The following CELSR3 variants were observed in gnomAD, a reference collection of about 807,000 sequenced individuals.
CELSR3 encodes EGF-like protein 1.
In CELSR3, 73 loss-of-function variants were observed where a neutral mutation model predicts 270.0. The observed-to-expected ratio is 0.27, with a 90% CI of 0.22 to 0.33. The LOEUF (loss-of-function observed/expected upper bound fraction) is 0.33, where lower values mean the gene tolerates loss of function less well. CELSR3 is among the 10% of genes least tolerant of loss of function. The probability of loss-of-function intolerance (pLI) is 1.00; values close to 1 mark genes in which losing one functional copy is unlikely to be tolerated. For missense variants in CELSR3, 3,614 were observed against 4,533.8 expected, an observed-to-expected ratio of 0.80 and a Z score of 5.83; for synonymous variants, 1,780 against 1,905.4, an observed-to-expected ratio of 0.93 and a Z score of 1.71.
At position 48,654,527 on chromosome 3, in the gene CELSR3, A is replaced by AG; in HGVS notation, c.4989-76dup. On this transcript the variant is annotated intron_variant, in intron 6 of 34. Coordinates refer to ENST00000164024, the MANE Select transcript of CELSR3 (RefSeq NM_001407.3). The surrounding 1 kb of genome is among the most constrained non-coding windows in gnomAD (Gnocchi z 5.4). Reference sequence around the variant, plus strand: ...TTGCTCCTGGGGGGCCACAGGAAGCAGGGGGGTAGGACCCAGAGGGTAGGG... The same window carrying AG: ...TTGCTCCTGGGGGGCCACAGGAAGCAGGGGGGGTAGGACCCAGAGGGTAGGG... The AG allele has an allele frequency of 7.7e-7, 1 of 1,299,406 alleles. No homozygotes were observed. The highest frequency in any genetic ancestry group is 1.1e-6 in the Non-Finnish European group (1 of 942,822). The allele number at this position is 1,299,406 out of a possible 1,614,324, so 80.5% of individuals were successfully genotyped here. A position where few individuals can be genotyped will look rare whatever the true frequency, so the allele number is the denominator to read the frequency against.
In CELSR3 at chr3:48,654,381, T is replaced by C. The variant is rs1198077008; in HGVS notation, c.5060A>G (p.His1687Arg). ...PNLPENFPVS[H>R]KDFIGCMRDL... Reference sequence around the variant, plus strand: ...CCGCATACAGCCGATGAAGTCCTTATGGGATACGGGGAAGTTCTCGGGGAG... The same window carrying C: ...CCGCATACAGCCGATGAAGTCCTTACGGGATACGGGGAAGTTCTCGGGGAG... Residue 1687 changes from histidine to arginine, a missense_variant, in exon 7 of 35, where the codon CAT (histidine) becomes CGT (arginine). Transcript: ENST00000164024. This position sits in a 1 kb window ranked among gnomAD's most constrained non-coding sequence, Gnocchi z 5.4. The C allele has an allele frequency of 1.2e-6, 2 of 1,612,838 alleles. No individual in the cohort carries two copies. The highest frequency in any genetic ancestry group is 2.2e-5 in the East Asian group (1 of 44,824).
chr3:48,654,232 T>C lies in CELSR3; in HGVS notation c.5152+57A>G. 2 of 1,604,460 alleles carry C rather than the reference T, an allele frequency of 1.2e-6. No homozygotes were observed. The highest frequency in any genetic ancestry group is 2.2e-5 in the South Asian group (2 of 90,208). ...GAAGTCAGGTATGGAGTCCTCCACTTCCTCCCTATGATGGGGACAGGGCCA... is the reference window on the plus strand; with the variant it reads ...GAAGTCAGGTATGGAGTCCTCCACTCCCTCCCTATGATGGGGACAGGGCCA... On this transcript the variant is annotated intron_variant, in intron 7 of 34. Transcript: ENST00000164024. This position sits in a 1 kb window ranked among gnomAD's most constrained non-coding sequence, Gnocchi z 5.4.
chr3:48,640,173 A>G lies in CELSR3; in HGVS notation c.9412T>C (p.Phe3138Leu). ...AAGTCGAGCGCATCCCGTGACCCGA[A>G]GCGGCCAGCCATGGCGCCAGGGTAG... ...RDYPGAMAGR[F>L]GSRDALDLGA... is the part of the protein sequence containing the mutation. Residue 3138 changes from phenylalanine to leucine, a missense_variant, in exon 34 of 35, where the codon TTC becomes CTC. Around this residue, in one of 7 missense-constraint regions of CELSR3, gnomAD observed 1,240 missense variants for 1,351.7 expected, o/e 0.92. Transcript: ENST00000164024. The surrounding 1 kb of genome is among the most constrained non-coding windows in gnomAD (Gnocchi z 7.5). 2 of 1,612,682 alleles carry G rather than the reference A, an allele frequency of 1.2e-6. No individual in the cohort carries two copies. Among genetic ancestry groups the G allele is most frequent in the Non-Finnish European group, 1.7e-6 (2 of 1,179,946 alleles).
In CELSR3 at chr3:48,651,862, C is replaced by A; in HGVS notation, c.5923+15G>T. ...CTGCCCAGGTCACCCTTCCCCCAAC[C>A]CTCTCAAGGCTCACCTGGCTGGCAG... On this transcript the variant is annotated intron_variant, in intron 12 of 34. Coordinates refer to ENST00000164024, the MANE Select transcript of CELSR3 (RefSeq NM_001407.3). This position sits in a 1 kb window ranked among gnomAD's most constrained non-coding sequence, Gnocchi z 7.4. The A allele has an allele frequency of 6.9e-6, 11 of 1,601,238 alleles. No individual in the cohort carries two copies. The highest frequency in any genetic ancestry group is 2.2e-5 in the East Asian group (1 of 44,794).
chr3:48,655,698 C>T lies in CELSR3; in HGVS notation c.4741+38G>A, dbSNP rs1575544400. ...GACTTGGGCCCTGCGTCCTCCAGCA[C>T]ACACGCACCCTTTCGCCGTCACATC... is the stretch of plus-strand genomic sequence containing the variant. On this transcript the variant is annotated intron_variant, in intron 4 of 34. Transcript: ENST00000164024. This position sits in a 1 kb window ranked among gnomAD's most constrained non-coding sequence, Gnocchi z 5.8. The T allele has an allele frequency of 6.4e-7, 1 of 1,555,400 alleles. No homozygotes were observed. The highest frequency in any genetic ancestry group is 8.9e-7 in the Non-Finnish European group (1 of 1,126,950).
At position 48,647,979 on chromosome 3, in the gene CELSR3, T is replaced by G. The variant is rs967849094; in HGVS notation, c.6991A>C (p.Met2331Leu). 2 of 1,612,072 alleles carry G rather than the reference T, an allele frequency of 1.2e-6. No individual in the cohort carries two copies. Among genetic ancestry groups the G allele is most frequent in the Non-Finnish European group, 8.5e-7 (1 of 1,179,660 alleles). The change falls in exon 20 of 35, where the codon ATG becomes CTG. Residue 2331 changes from methionine (M) to leucine (L), a missense_variant. By Grantham distance (15) the Met-to-Leu change is conservative (BLOSUM62 2). Coordinates refer to ENST00000164024, the MANE Select transcript of CELSR3 (RefSeq NM_001407.3). ...TPNIMLSIDR[M>L]EHPSSPRGAR... ...CCCCGGGGAGAACTGGGGTGCTCCA[T>G]GCGGTCAATGCTGAGCACTACCCAG...
In CELSR3 at chr3:48,655,653, C is replaced by A. The variant is rs1372780489; in HGVS notation, c.4741+83G>T. ...GGCGTGGAGTGTGTGCTCAGGTGCACAGTGAAGCAAACCTGAGGGGACTTG... is the reference window on the plus strand; with the variant it reads ...GGCGTGGAGTGTGTGCTCAGGTGCAAAGTGAAGCAAACCTGAGGGGACTTG... On this transcript the variant is annotated intron_variant, in intron 4 of 34. Coordinates refer to ENST00000164024, the MANE Select transcript of CELSR3 (RefSeq NM_001407.3). The surrounding 1 kb of genome is among the most constrained non-coding windows in gnomAD (Gnocchi z 5.8). The A allele has an allele frequency of 2.4e-6, 3 of 1,224,760 alleles. No individual in the cohort carries two copies. The highest frequency in any genetic ancestry group is 3.6e-6 in the Non-Finnish European group (3 of 828,594). The allele number at this position is 1,224,760 out of a possible 1,614,324, so 75.9% of individuals were successfully genotyped here.
Position 48,652,522 on chromosome 3 carries a change from C to T in CELSR3, c.5666G>A (p.Gly1889Asp). 6.2e-7 allele frequency: 1 copy of T among 1,612,954 alleles called. No homozygotes were observed. The highest frequency in any genetic ancestry group is 8.5e-7 in the Non-Finnish European group (1 of 1,179,626). The change falls in exon 11 of 35, where the codon GGC (glycine) becomes GAC (aspartate). Residue 1889 changes from glycine to aspartate, a missense_variant. Around this residue, in one of 7 missense-constraint regions of CELSR3, gnomAD observed 1,331 missense variants for 1,933.7 expected, o/e 0.69. Transcript: ENST00000164024. The surrounding 1 kb of genome is among the most constrained non-coding windows in gnomAD (Gnocchi z 4.3). ...DTMAVGSELQ[G>D]LKVKQLHVGG... is the part of the protein sequence containing the mutation. Reference sequence around the variant, plus strand: ...CACGTGGAGCTGCTTTACCTTCAGGCCCTGCAGCTCACTCCCCACCGCCAT... The same window carrying T: ...CACGTGGAGCTGCTTTACCTTCAGGTCCTGCAGCTCACTCCCCACCGCCAT...
intron 16 of CELSR3, 88 bp from the exon 17 acceptor site, chr3:48,649,303 A>G (rs960940353): frequency 4.6e-6 from 5 of 1,084,498 alleles, no homozygotes; most frequent in South Asian, 1.4e-5. Flanking sequence ...TGCTGGGGGA[A>G]TCCCTGAGGC....
rs924694808 is a variant in CELSR3, at chr3:48,644,930, G to A, written c.7973-102C>T. On this transcript the variant is annotated intron_variant, in intron 25 of 34. Coordinates refer to ENST00000164024, the MANE Select transcript of CELSR3 (RefSeq NM_001407.3). This position sits in a 1 kb window ranked among gnomAD's most constrained non-coding sequence, Gnocchi z 4.8. ...GGTGAGGGCAGAGCAGCAACCCCAT[G>A]AATAGATGGCTTGGGGTTTGAGGTT... 17 of 1,521,240 alleles carry A rather than the reference G, an allele frequency of 1.1e-5. No individual in the cohort carries two copies. The South Asian group carries it at 1.9e-4, about 17-fold the overall frequency. The allele number at this position is 1,521,240 out of a possible 1,614,324, so 94.2% of individuals were successfully genotyped here. A position where few individuals can be genotyped will look rare whatever the true frequency, so the allele number is the denominator to read the frequency against.
At position 48,654,253 on chromosome 3, in the gene CELSR3, G is replaced by T. The variant is rs1426914919; in HGVS notation, c.5152+36C>A. Reference sequence around the variant, plus strand: ...CACTTCCTCCCTATGATGGGGACAGGGCCATGGGCTAGGCTGGTGGAAGCT... The same window carrying T: ...CACTTCCTCCCTATGATGGGGACAGTGCCATGGGCTAGGCTGGTGGAAGCT... On this transcript the variant is annotated intron_variant, in intron 7 of 34. Transcript: ENST00000164024. The surrounding 1 kb of genome is among the most constrained non-coding windows in gnomAD (Gnocchi z 5.4). 3.7e-6 allele frequency: 6 copies of T among 1,612,708 alleles called. No individual in the cohort carries two copies. The Admixed American group carries it at 8.3e-5, about 22-fold the overall frequency.
At position 48,642,130 on chromosome 3, in the gene CELSR3, G is replaced by T; in HGVS notation, c.8666-121C>A. On this transcript the variant is annotated intron_variant, in intron 31 of 34. Transcript: ENST00000164024. This position sits in a 1 kb window ranked among gnomAD's most constrained non-coding sequence, Gnocchi z 6.1. ...GTTAGGGTTGGGGACAGGAACCGGGGCTTGAAGTGGAGGTAGCAGCAGAAG... is the reference window on the plus strand; with the variant it reads ...GTTAGGGTTGGGGACAGGAACCGGGTCTTGAAGTGGAGGTAGCAGCAGAAG... 2.0e-6 allele frequency: 2 copies of T among 997,150 alleles called. No individual in the cohort carries two copies. The highest frequency in any genetic ancestry group is 2.9e-6 in the Non-Finnish European group (2 of 695,034). 61.8% of individuals were successfully genotyped at this position (997,150 alleles called of 1,614,324 possible). A position where few individuals can be genotyped will look rare whatever the true frequency, so the allele number is the denominator to read the frequency against.
Position 48,641,546 on chromosome 3 carries a change from C to T in CELSR3, c.8825-22G>A, listed in dbSNP as rs1358314957. Reference sequence around the variant, plus strand: ...ACATCTGTGGAGCCAGGTCAGGTTACAGGAGCTTCTGGGTTGATCCCAGTG... The same window carrying T: ...ACATCTGTGGAGCCAGGTCAGGTTATAGGAGCTTCTGGGTTGATCCCAGTG... On this transcript the variant is annotated intron_variant, in intron 32 of 34. Coordinates refer to ENST00000164024, the MANE Select transcript of CELSR3 (RefSeq NM_001407.3). The surrounding 1 kb of genome is among the most constrained non-coding windows in gnomAD (Gnocchi z 4.8). 3 of 1,585,778 alleles carry T rather than the reference C, an allele frequency of 1.9e-6. No homozygotes were observed. The highest frequency in any genetic ancestry group is 2.2e-5 in the South Asian group (2 of 90,406).
At position 48,656,199 on chromosome 3, in the gene CELSR3, G is replaced by C; in HGVS notation, c.4566C>G (p.Pro1522=). ...RCEVAARSFP[P]SSFVMFRGLR... is the part of the protein sequence containing the mutation. ...GGCCGCGAAACATGACGAACGAACT[G>C]GGCGGGAAGGAGCGCGCAGCCACCT... The change falls in exon 3 of 35, where the codon CCC becomes CCG. Residue 1522 remains proline, a synonymous_variant. Transcript: ENST00000164024. 6.5e-7 allele frequency: 1 copy of C among 1,537,754 alleles called. No homozygotes were observed. Among genetic ancestry groups the C allele is most frequent in the Non-Finnish European group, 8.7e-7 (1 of 1,147,918 alleles).
Position 48,650,433 on chromosome 3 carries a change from A to AGG in CELSR3, c.6472+45_6472+46dup. ...GACATGGCTCTAGCAGTCAGAGTAC[A>AGG]GGCCCACCCCCACCCTCAGTGATGT... On this transcript the variant is annotated intron_variant, in intron 16 of 34. Coordinates refer to ENST00000164024, the MANE Select transcript of CELSR3 (RefSeq NM_001407.3). This position sits in a 1 kb window ranked among gnomAD's most constrained non-coding sequence, Gnocchi z 5.1. The AGG allele has an allele frequency of 3.2e-6, 3 of 927,818 alleles. No homozygotes were observed. The highest frequency in any genetic ancestry group is 3.2e-5 in the East Asian group (1 of 31,406). 57.5% of individuals were successfully genotyped at this position (927,818 alleles called of 1,614,324 possible).
Position 48,655,799 on chromosome 3 carries a change from C to T in CELSR3, c.4678G>A (p.Glu1560Lys). The T allele has an allele frequency of 2.6e-6, 4 of 1,525,434 alleles. No homozygotes were observed. The highest frequency in any genetic ancestry group is 3.6e-6 in the Non-Finnish European group (4 of 1,124,774). 94.5% of individuals were successfully genotyped at this position (1,525,434 alleles called of 1,614,324 possible). A position where few individuals can be genotyped will look rare whatever the true frequency, so the allele number is the denominator to read the frequency against. ...TCCAGGGCCAGGAAGTCGTGCTTCT[C>T]GTTCAGGCGCCCGTTGTAGAAGAGC... Reference protein sequence around the residue: ...GLLFYNGRLNEKHDFLALELV... With the variant: ...GLLFYNGRLNKKHDFLALELV... The change falls in exon 4 of 35, where the codon GAG (glutamate) becomes AAG (lysine). Residue 1560 changes from glutamate (E) to lysine (K), a missense_variant. Transcript: ENST00000164024. This position sits in a 1 kb window ranked among gnomAD's most constrained non-coding sequence, Gnocchi z 5.8.
rs532143331 is a variant in CELSR3 at position 48,639,430 on chromosome 3, C to T, written c.9911+244G>A. 6.6e-6 allele frequency among the ~76,000 whole-genome samples: 1 copy of T among 152,298 alleles called. No homozygotes were observed. The highest frequency in any genetic ancestry group is 1.9e-4 in the East Asian group (1 of 5,170). On this transcript the variant is annotated intron_variant, in intron 34 of 34. Transcript: ENST00000164024. This position sits in a 1 kb window ranked among gnomAD's most constrained non-coding sequence, Gnocchi z 4.1. ...TCGGATGGCACCTATTTCTCCTTAG[C>T]CTGGGAGGTGCTGGGAAGGCTGGCT... is the stretch of plus-strand genomic sequence containing the variant.
In CELSR3 at chr3:48,640,606, G is replaced by A; in HGVS notation, c.9026-47C>T. ...GGGCAGGGTTTGTGTGGGAGGGGGA[G>A]GGCAGGCAGGAATTGCTGAGTCTAG... On this transcript the variant is annotated intron_variant, in intron 33 of 34. Coordinates refer to ENST00000164024, the MANE Select transcript of CELSR3 (RefSeq NM_001407.3). This position sits in a 1 kb window ranked among gnomAD's most constrained non-coding sequence, Gnocchi z 7.5. 1 of 1,487,366 alleles carries A rather than the reference G, an allele frequency of 6.7e-7. No homozygotes were observed. Among genetic ancestry groups the A allele is most frequent in the South Asian group, 1.3e-5 (1 of 75,254 alleles). 92.1% of individuals were successfully genotyped at this position (1,487,366 alleles called of 1,614,324 possible).
rs2047034548 is a variant in CELSR3 at position 48,642,296 on chromosome 3, A to G, written c.8665+62T>C. ...GCCACTGCTCCCAGTATGGGGTAGA[A>G]GAAAAGGGGATGGGGAGAGATCCTC... On this transcript the variant is annotated intron_variant, in intron 31 of 34. Transcript: ENST00000164024. The surrounding 1 kb of genome is among the most constrained non-coding windows in gnomAD (Gnocchi z 6.1). 2 of 1,541,520 alleles carry G rather than the reference A, an allele frequency of 1.3e-6. No individual in the cohort carries two copies. The highest frequency in any genetic ancestry group is 4.5e-5 in the East Asian group (2 of 44,252).
Sources: allele counts gnomAD v4.1 joint callset (sites outside exome capture counted in the v4.1 genomes callset), GRCh38; gene constraint gnomAD v4.1.1; regional missense constraint gnomAD v4.1.1; non-coding constraint Gnocchi (gnomAD v3.1); transcripts MANE v1.5; gene names NCBI Gene and HGNC (gene_info 2026-07-23, HGNC 2026-07-21).